STXBP5L: variants seen among roughly 807,000 people sequenced by gnomAD.
STXBP5L encodes syntaxin-binding protein 5-like.
STXBP5L carries 65 observed loss-of-function variants against 144.5 expected under a neutral mutation model. The ratio of observed to expected loss-of-function variants is 0.45; its 90% CI spans 0.37 to 0.55. The LOEUF (loss-of-function observed/expected upper bound fraction) is 0.55, where lower values mean the gene tolerates loss of function less well. Among genes scored for constraint, STXBP5L ranks in the 20% least tolerant of loss-of-function variants. STXBP5L has a pLI of 0.00. For missense variants in STXBP5L, 1,298 were observed against 1,405.5 expected, an observed-to-expected ratio of 0.92 and a Z score of 1.22; for synonymous variants, 505 against 469.6, an observed-to-expected ratio of 1.08 and a Z score of -0.97.
intron 19 of STXBP5L, among the ~76,000 whole-genome samples, chr3:121,291,638 C>T (rs910307679): frequency 2.0e-5 from 3 of 152,092 alleles, no homozygotes; most frequent in African/African-American, 4.8e-5. Context: ...GGAGGCATCA[C>T]GTTACTTGAC....
intron 22 of STXBP5L, among the ~76,000 whole-genome samples, chr3:121,394,965 A>T (rs1175638327): frequency 6.6e-6 from 1 of 152,224 alleles, no homozygotes; most frequent in Non-Finnish European, 1.5e-5. Flanking sequence ...ATTATCAAAA[A>T]TAAAACTTCA....
At chr3:120,954,560 G>A (rs960246020) in intron 2 of STXBP5L, among the ~76,000 whole-genome samples, 1 of 151,738 alleles carries the variant, frequency 6.6e-6, no homozygotes, top group South Asian at 2.1e-4. Flanking sequence ...TAATTCTTTT[G>A]TTGGACACCT....
At chr3:121,297,070 T>G (rs2051682329) in intron 19 of STXBP5L, among the ~76,000 whole-genome samples, 2 of 152,026 alleles carry the variant, frequency 1.3e-5, no homozygotes, top group Admixed American at 6.6e-5. Flanking sequence ...TATAAAAGAT[T>G]GAGTGTTGGA....
intron 5 of STXBP5L, among the ~76,000 whole-genome samples, chr3:121,093,609 A>C (rs535042362): frequency 1.3e-5 from 2 of 152,274 alleles, no homozygotes; most frequent in African/African-American, 2.4e-5. Flanking sequence ...CTGTGGGATC[A>C]GTGGTGATAT....
At chr3:121,334,197 CTT>C (rs1304843912) in intron 20 of STXBP5L, among the ~76,000 whole-genome samples, 2 of 152,104 alleles carry the variant, frequency 1.3e-5, no homozygotes, top group African/African-American at 4.8e-5. Context: ...TTATCTCTGT[CTT>C]TTGTAAATTG....
intron 11 of STXBP5L, among the ~76,000 whole-genome samples, chr3:121,231,224 C>T (rs1194623291): frequency 6.6e-6 from 1 of 152,172 alleles, no homozygotes; most frequent in Non-Finnish European, 1.5e-5. Context: ...TTTTTCCTAG[C>T]ATGCTCCATC....
chr3:121,023,838 C>G (rs1358648537), intron 3 of STXBP5L, among the ~76,000 whole-genome samples: 10 of 152,182 alleles, frequency 6.6e-5, no homozygotes, highest in Non-Finnish European at 1.5e-5. Context: ...TCACTGCAAG[C>G]TCTGCCTCCC....
intron 20 of STXBP5L, among the ~76,000 whole-genome samples, chr3:121,350,525 G>T (rs1455553570): frequency 1.3e-5 from 2 of 152,104 alleles, no homozygotes; most frequent in Admixed American, 6.5e-5. Flanking sequence ...GATTGGGGAA[G>T]TTCTCCTGGA....
chr3:121,126,211 C>G (rs1002117539), intron 7 of STXBP5L, among the ~76,000 whole-genome samples: 7 of 152,154 alleles, frequency 4.6e-5, no homozygotes, highest in Non-Finnish European at 8.8e-5. Context: ...CAGCCACAAA[C>G]CAAATCTGGC....
intron 3 of STXBP5L, among the ~76,000 whole-genome samples, chr3:121,012,501 A>AT (rs933570134): frequency 4.0e-4 from 60 of 151,686 alleles, no homozygotes; most frequent in African/African-American, 1.2e-3. Flanking sequence ...GCTATTGTTT[A>AT]TTTTTTTGAA....
intron 5 of STXBP5L, among the ~76,000 whole-genome samples, chr3:121,101,241 A>C (rs925266514): frequency 2.6e-5 from 4 of 152,138 alleles, no homozygotes; most frequent in Non-Finnish European, 5.9e-5. Flanking sequence ...TACTCATTTT[A>C]TGAAGCCAGT....
At chr3:121,270,557 A>G (rs2050706272) in intron 18 of STXBP5L, among the ~76,000 whole-genome samples, 2 of 151,964 alleles carry the variant, frequency 1.3e-5, no homozygotes, top group Admixed American at 6.6e-5. Context: ...GGTTCAGGCA[A>G]TTCTCATGCC....
At chr3:120,957,596 C>A (rs1938186926) in intron 3 of STXBP5L, among the ~76,000 whole-genome samples, 1 of 151,618 alleles carries the variant, frequency 6.6e-6, no homozygotes, top group Non-Finnish European at 1.5e-5. Context: ...CAATTTTTTT[C>A]TTAAGAGTTT....
At chr3:121,374,582 A>C (rs2046128477) in intron 20 of STXBP5L, among the ~76,000 whole-genome samples, 1 of 152,228 alleles carries the variant, frequency 6.6e-6, no homozygotes, top group African/African-American at 2.4e-5. Flanking sequence ...TCCTGAGCTG[A>C]ATGAGAAATT....
intron 5 of STXBP5L, among the ~76,000 whole-genome samples, chr3:121,055,616 T>A (rs1299870128): frequency 6.6e-6 from 1 of 151,900 alleles, no homozygotes; most frequent in East Asian, 1.9e-4. Context: ...GCTCAAGCAA[T>A]CCTCCCGCCT....
chr3:121,284,235 A>T (rs528353366), intron 19 of STXBP5L, among the ~76,000 whole-genome samples: 2 of 152,054 alleles, frequency 1.3e-5, no homozygotes, highest in South Asian at 4.2e-4. Flanking sequence ...TTCTATCAAC[A>T]ACCTCAAATG....
At chr3:121,043,711 A>G (rs2107558571) in intron 4 of STXBP5L, among the ~76,000 whole-genome samples, 2 of 151,890 alleles carry the variant, frequency 1.3e-5, no homozygotes, top group South Asian at 4.2e-4. Flanking sequence ...CCATCTCAAA[A>G]ACAAACAAAC....
intron 9 of STXBP5L, among the ~76,000 whole-genome samples, chr3:121,191,533 G>GGGGAGA (rs139815854): frequency 3.0e-4 from 45 of 152,072 alleles, no homozygotes; most frequent in Admixed American, 1.2e-3. Context: ...ACTGTGCAAA[G>GGGGAGA]GGGAGAGGGA....
Position 121,292,887 on chromosome 3 carries a change from G to T in STXBP5L, c.2110+12931G>T, listed in dbSNP as rs185985487. On this transcript the variant is annotated intron_variant, in intron 19 of 26. Coordinates refer to ENST00000471454, the MANE Select transcript of STXBP5L (RefSeq NM_001308330.2). ...GTGGACTTTAGGGACTCAAGGGAAA[G>T]GGTGGGAGGTAGGTGAGGGATAAAA... Among the ~76,000 whole-genome samples, 6 of 152,282 alleles carry T rather than the reference G, an allele frequency of 3.9e-5. No individual in the cohort carries two copies. The East Asian group carries it at 9.7e-4, about 25-fold the overall frequency.
Sources: allele counts gnomAD v4.1 joint callset (sites outside exome capture counted in the v4.1 genomes callset), GRCh38; gene constraint gnomAD v4.1.1; transcripts MANE v1.5; gene names NCBI Gene and HGNC (gene_info 2026-07-23, HGNC 2026-07-21).